RGS8: variants seen among roughly 807,000 people sequenced by gnomAD.
RGS8 encodes the protein regulator of G-protein signaling 8.
In RGS8, 8 loss-of-function variants were observed where a neutral mutation model predicts 21.7. That is an observed-to-expected ratio of 0.37 (90% CI 0.22 to 0.66). The LOEUF (loss-of-function observed/expected upper bound fraction) is 0.66, where lower values mean the gene tolerates loss of function less well. RGS8 is among the 30% of genes least tolerant of loss of function. The pLI, the probability that RGS8 is intolerant of heterozygous loss-of-function variation, is 0.59. For synonymous variants in RGS8, 80 were observed against 83.6 expected (o/e 0.96, Z 0.24); for missense variants, 157 against 217.9 (o/e 0.72, Z 1.76).
the RGS8 span, among the ~76,000 whole-genome samples, chr1:182,711,133 A>G: frequency 6.6e-6 from 1 of 152,206 alleles, no homozygotes. Context: ...CTGTCAGTCA[A>G]AAATGCATCA....
chr1:182,683,418 T>C (rs980630015), intron 1 of RGS8, among the ~76,000 whole-genome samples: 1 of 152,130 alleles, frequency 6.6e-6, no homozygotes, highest in African/African-American at 2.4e-5. Context: ...CTAAAGTTCT[T>C]CAAATCTGTA....
At chr1:182,715,476 G>A in the RGS8 span, among the ~76,000 whole-genome samples, 11 of 152,240 alleles carry the variant, frequency 7.2e-5, no homozygotes, top group East Asian at 1.5e-3. Flanking sequence ...ATTGGAAAGG[G>A]GAATAAGATT....
chr1:182,723,294 T>C, the RGS8 span, among the ~76,000 whole-genome samples: 1 of 152,188 alleles, frequency 6.6e-6, no homozygotes, highest in African/African-American at 2.4e-5. Context: ...CAGCCATCAG[T>C]GAGGGCTGCA....
intron 5 of RGS8, among the ~76,000 whole-genome samples, chr1:182,664,577 GA>G (rs770723798): frequency 6.6e-6 from 1 of 151,988 alleles, no homozygotes; most frequent in African/African-American, 2.4e-5. Context: ...TGTGACTCCA[GA>G]AAAAAAGTCA....
At chr1:182,702,969 G>A in the RGS8 span, among the ~76,000 whole-genome samples, 48,392 of 152,052 alleles carry the variant, frequency 0.32, 7,729 homozygotes, top group East Asian at 0.35. Context: ...ATGATAAAGG[G>A]GCAGAAAAGG....
chr1:182,672,899 A>G (rs1664231949), upstream of RGS8: 1 of 1,590,508 alleles, frequency 6.3e-7, no homozygotes, highest in Non-Finnish European at 8.6e-7. Context: ...TGGTTCTCCA[A>G]GCGTGGTCCC....
chr1:182,741,088 T>C, the RGS8 span, among the ~76,000 whole-genome samples: 4 of 148,762 alleles, frequency 2.7e-5, no homozygotes, highest in East Asian at 2.0e-4. Context: ...CCAGACGGGG[T>C]GGTGGCCGGG....
the RGS8 span, among the ~76,000 whole-genome samples, chr1:182,741,553 T>C: frequency 9.2e-6 from 1 of 108,162 alleles, no homozygotes; most frequent in South Asian, 3.5e-4. Flanking sequence ...GAGGGGCTCC[T>C]CACTTCCCAG....
At chr1:182,723,035 T>C in the RGS8 span, among the ~76,000 whole-genome samples, 8 of 151,916 alleles carry the variant, frequency 5.3e-5, no homozygotes, top group African/African-American at 1.9e-4. Flanking sequence ...AAGATGCCAG[T>C]CACTGGATTA....
At position 182,683,985 on chromosome 1, in the gene RGS8, C is replaced by A. The variant is rs1360058691; in HGVS notation, n.221+371G>T. ...AGAGACAGTGTTATCGTCCAGATAT[C>A]AACCTACAATATTTTCAGAGCCCCC... On this transcript the variant is annotated intron_variant and non_coding_transcript_variant, in intron 1 of 4. Transcript: ENST00000515211. Among the ~76,000 whole-genome samples, 3 of 152,332 alleles carry A rather than the reference C, an allele frequency of 2.0e-5. No homozygotes were observed. The East Asian group carries it at 5.8e-4, about 29-fold the overall frequency.
In RGS8 at chr1:182,650,254, G is replaced by A. The variant is rs149089076; in HGVS notation, c.194-1951C>T. Among the ~76,000 whole-genome samples, 6 of 152,272 alleles carry A rather than the reference G, an allele frequency of 3.9e-5. No individual in the cohort carries two copies. The East Asian group carries it at 5.8e-4, about 15-fold the overall frequency. On this transcript the variant is annotated intron_variant, in intron 5 of 6. Transcript: ENST00000483095. ...TGACAGGATGACCTGGGCATCTGACGTCCACCACTATCCACCAGGACCGTG... is the reference window on the plus strand; with the variant it reads ...TGACAGGATGACCTGGGCATCTGACATCCACCACTATCCACCAGGACCGTG...
chr1:182,706,007 G>T, the RGS8 span, among the ~76,000 whole-genome samples: 1 of 152,070 alleles, frequency 6.6e-6, no homozygotes, highest in Non-Finnish European at 1.5e-5. Context: ...TTTGGAGACA[G>T]GGTCTCATTT....
the RGS8 span, among the ~76,000 whole-genome samples, chr1:182,733,304 A>C: frequency 6.6e-6 from 1 of 152,248 alleles, no homozygotes; most frequent in Non-Finnish European, 1.5e-5. Context: ...TGCCGTGCTC[A>C]ATATCCCAGG....
At chr1:182,698,538 G>A in the RGS8 span, among the ~76,000 whole-genome samples, 5,494 of 152,262 alleles carry the variant, frequency 0.036, 131 homozygotes, top group Admixed American at 0.045. Context: ...GAGAAGAAGA[G>A]TCTCCTTTCT....
the RGS8 span, among the ~76,000 whole-genome samples, chr1:182,710,324 A>C: frequency 6.6e-6 from 1 of 152,126 alleles, no homozygotes; most frequent in Non-Finnish European, 1.5e-5. Context: ...TGACCCAATC[A>C]CATCTTTATA....
the RGS8 span, among the ~76,000 whole-genome samples, chr1:182,752,192 T>G: frequency 2.4e-4 from 36 of 152,100 alleles, no homozygotes; most frequent in Non-Finnish European, 2.9e-4. Context: ...CCATCCCACC[T>G]CCTGACATGA....
At chr1:182,715,601 G>C in the RGS8 span, among the ~76,000 whole-genome samples, 1 of 152,314 alleles carries the variant, frequency 6.6e-6, no homozygotes, top group East Asian at 1.9e-4. Flanking sequence ...TTTTATTCAA[G>C]TGGGGCCTGA....
intron 5 of RGS8, among the ~76,000 whole-genome samples, chr1:182,663,429 T>A (rs1056161561): frequency 4.6e-5 from 7 of 152,190 alleles, no homozygotes; most frequent in African/African-American, 1.7e-4. Flanking sequence ...TAAACAGAAA[T>A]ATAAACAGAA....
chr1:182,713,492 A>G, the RGS8 span, among the ~76,000 whole-genome samples: 1 of 152,116 alleles, frequency 6.6e-6, no homozygotes, highest in African/African-American at 2.4e-5. Context: ...CCTCTCTTTA[A>G]TGATTGCAGT....
Sources: allele counts gnomAD v4.1 joint callset (sites outside exome capture counted in the v4.1 genomes callset), GRCh38; gene constraint gnomAD v4.1.1; transcripts MANE v1.5; gene names NCBI Gene and HGNC (gene_info 2026-07-23, HGNC 2026-07-21).